Variants in MAN2B2 observed in about 807,000 individuals in gnomAD.
MAN2B2 encodes the protein epididymis-specific alpha-mannosidase.
A neutral mutation model predicts 117.1 loss-of-function variants in MAN2B2; 106 were observed. The ratio of observed to expected loss-of-function variants is 0.90; its 90% CI spans 0.77 to 1.06. The LOEUF is 1.06. Ranked by LOEUF, MAN2B2 falls within the 50% of genes least tolerant of loss-of-function variation. The pLI is 0.00. For synonymous variants in MAN2B2, 544 were observed against 595.1 expected (o/e 0.91, Z 1.25); for missense variants, 1,326 against 1,381.4 (o/e 0.96, Z 0.64).
chr4:6,617,184 C>A (rs537557644), intron 16 of MAN2B2, among the ~76,000 whole-genome samples, 196 bp from the exon 17 acceptor site: 29 of 152,286 alleles, frequency 1.9e-4, no homozygotes, highest in African/African-American at 6.7e-4. Flanking sequence ...TACCTCCCAC[C>A]AGGTCCCTCC....
chr4:6,620,065 G>A, intron 18 of MAN2B2, 21 bp downstream of exon 18: 1 of 1,587,728 alleles, frequency 6.3e-7, no homozygotes, highest in South Asian at 1.1e-5. Flanking sequence ...CCCCGCTTCA[G>A]CTCCCTACCC....
Position 6,623,077 on chromosome 4 carries a change from G to A in MAN2B2, c.*1792G>A, listed in dbSNP as rs1354057457. On this transcript the variant is annotated 3_prime_UTR_variant, in exon 19 of 19. Transcript: ENST00000285599. ...TTTCTGTGTCAAGAAGACTATGGAG[G>A]CTGGGCAGTGGTTCATGCCTTAATC... The A allele has an allele frequency of 6.6e-6, 1 of 151,896 alleles. No homozygotes were observed. The highest frequency in any genetic ancestry group is 6.6e-5 in the Admixed American group (1 of 15,226). 9.4% of individuals were successfully genotyped at this position (151,896 alleles called of 1,614,324 possible).
chr4:6,611,012 A>G (rs2108755611), intron 14 of MAN2B2, 22 bp downstream of exon 14: 1 of 1,613,714 alleles, frequency 6.2e-7, no homozygotes, highest in Non-Finnish European at 8.5e-7. Context: ...GGTCTGTCCT[A>G]CAGCAGCCCC....
At chr4:6,586,052 G>GTTTTTTTTTTTT (rs1560639815) in intron 3 of MAN2B2, among the ~76,000 whole-genome samples, 72 of 149,262 alleles carry the variant, frequency 4.8e-4, no homozygotes, top group African/African-American at 1.7e-3. Context: ...CTTTTCTTGT[G>GTTTTTTTTTTTT]GTTTTTTTTT....
Position 6,598,270 on chromosome 4 carries a change from T to C in MAN2B2, c.1321T>C (p.Ser441Pro), listed in dbSNP as rs1727184690. Residue 441 changes from serine (S) to proline (P), a missense_variant, in exon 9 of 19, where the codon TCG (serine) becomes CCG (proline). Coordinates refer to ENST00000285599, the MANE Select transcript of MAN2B2 (RefSeq NM_015274.3). ...VRDMYATHLA[S>P]GMLGMRKLMA... ...AGACATGTACGCAACGCACCTGGCC[T>C]CGGGGATGCTGGGCATGCGCAAGCT... 1.9e-6 allele frequency: 3 copies of C among 1,613,700 alleles called. No homozygotes were observed. The highest frequency in any genetic ancestry group is 2.5e-6 in the Non-Finnish European group (3 of 1,180,032).
At chr4:6,578,310 G>T in intron 2 of MAN2B2, 83 bp from the exon 3 acceptor site, 1 of 983,882 alleles carries the variant, frequency 1.0e-6, no homozygotes, top group Non-Finnish European at 1.6e-6. Flanking sequence ...GGGCGTGTGT[G>T]GCGCTGTAGG....
chr4:6,579,274 CCACCACCATCACCAT>C (rs1560634895), intron 3 of MAN2B2, among the ~76,000 whole-genome samples: 24 of 105,598 alleles, frequency 2.3e-4, no homozygotes, highest in African/African-American at 7.3e-4. Context: ...ACCACCATCA[CCACCACCATCACCAT>C]CACCACCACC....
chr4:6,620,208 G>A (rs182068266), intron 18 of MAN2B2, 164 bp downstream of exon 18: 97 of 590,608 alleles, frequency 1.6e-4, no homozygotes, highest in Middle Eastern at 1.4e-3. Flanking sequence ...TACTACAGTC[G>A]GTTAAGAAAG....
intron 5 of MAN2B2, among the ~76,000 whole-genome samples, chr4:6,591,561 G>A (rs1252802282): frequency 6.6e-6 from 1 of 152,188 alleles, no homozygotes. Context: ...GGAGGACCAG[G>A]TGGGGTGCAG....
At chr4:6,595,867 G>T (rs1329362282) in intron 7 of MAN2B2, among the ~76,000 whole-genome samples, 1 of 152,236 alleles carries the variant, frequency 6.6e-6, no homozygotes, top group African/African-American at 2.4e-5. Flanking sequence ...CAGCCTCTGG[G>T]TCTGCATGGT....
intron 4 of MAN2B2, among the ~76,000 whole-genome samples, chr4:6,588,248 G>A (rs1427160631): frequency 1.3e-5 from 2 of 152,186 alleles, no homozygotes; most frequent in Non-Finnish European, 1.5e-5. Flanking sequence ...AGGTGTGAGG[G>A]AAGGGGCTGC....
At chr4:6,614,071 C>T in intron 15 of MAN2B2, 147 bp from the exon 16 acceptor site, 3 of 964,498 alleles carry the variant, frequency 3.1e-6, no homozygotes, top group Non-Finnish European at 3.1e-6. Context: ...AGCACAAACA[C>T]TTTGGGCTGG....
chr4:6,586,053 G>GTTTTTTTTTTTTTTTTTTTTTTTT (rs759999292), intron 3 of MAN2B2, among the ~76,000 whole-genome samples: 2 of 143,926 alleles, frequency 1.4e-5, no homozygotes, highest in African/African-American at 5.2e-5. Context: ...TTTTCTTGTG[G>GTTTTTTTTTTTTTTTTTTTTTTTT]TTTTTTTTTT....
intron 15 of MAN2B2, among the ~76,000 whole-genome samples, chr4:6,612,493 TAAG>T (rs1711618383): frequency 6.6e-6 from 1 of 152,166 alleles, no homozygotes; most frequent in Admixed American, 6.5e-5. Flanking sequence ...TCATGGAATC[TAAG>T]GAGGAGCTGG....
In MAN2B2 at chr4:6,619,869, C is replaced by T. The variant is rs971529245; in HGVS notation, c.2815-58C>T. The T allele has an allele frequency of 2.1e-5, 31 of 1,506,496 alleles. No homozygotes were observed. The African/African-American group carries it at 4.1e-4, about 20-fold the overall frequency. The allele number at this position is 1,506,496 out of a possible 1,614,324, so 93.3% of individuals were successfully genotyped here. A position where few individuals can be genotyped will look rare whatever the true frequency, so the allele number is the denominator to read the frequency against. On this transcript the variant is annotated intron_variant, in intron 17 of 18. Transcript: ENST00000285599. The stretch of plus-strand genomic sequence containing the variant: ...TGTCTGCCCTGCTGCTGTCTTGGTT[C>T]TCTGCTCAGCTCTGGAACTTGGTGC...
At chr4:6,598,382 G>A (rs773482111) in intron 9 of MAN2B2, 28 bp downstream of exon 9, 37 of 1,598,090 alleles carry the variant, frequency 2.3e-5, no homozygotes, top group Non-Finnish European at 3.0e-5. Context: ...GGGAGGCTGT[G>A]GCCCCTTTAT....
At chr4:6,583,029 T>C (rs1726495030) in intron 3 of MAN2B2, among the ~76,000 whole-genome samples, 1 of 152,222 alleles carries the variant, frequency 6.6e-6, no homozygotes, top group Non-Finnish European at 1.5e-5. Flanking sequence ...CTCTGCTCCA[T>C]GGAGTGACCC....
chr4:6,603,023 G>A (rs79887891), intron 10 of MAN2B2, among the ~76,000 whole-genome samples: 2,988 of 152,034 alleles, frequency 0.02, 37 homozygotes, highest in Non-Finnish European at 0.029. Flanking sequence ...CTGATCCCTA[G>A]AAAGGCCTCA....
rs550394326 is a variant in MAN2B2, at chr4:6,595,660, C to A, written c.1057+928C>A. ...GAGGGCAGAGCCTTCATGGCCTAAT[C>A]TCCTCTTAAGCATCCCACCTCTTAA... On this transcript the variant is annotated intron_variant, in intron 7 of 18. Coordinates refer to ENST00000285599, the MANE Select transcript of MAN2B2 (RefSeq NM_015274.3). 1.2e-4 allele frequency among the ~76,000 whole-genome samples: 18 copies of A among 152,362 alleles called. No individual in the cohort carries two copies. In the South Asian group the frequency reaches 3.5e-3, roughly 30 times the overall value.
Sources: allele counts gnomAD v4.1 joint callset (sites outside exome capture counted in the v4.1 genomes callset), GRCh38; gene constraint gnomAD v4.1.1; transcripts MANE v1.5; gene names NCBI Gene and HGNC (gene_info 2026-07-23, HGNC 2026-07-21).